The following NCAM2 variants were observed in gnomAD, a reference collection of about 807,000 sequenced individuals.
The protein encoded by NCAM2 is neural cell adhesion molecule 2, also known as N-CAM-2.
NCAM2 carries 30 observed loss-of-function variants against 98.1 expected under a neutral mutation model. The ratio of observed to expected loss-of-function variants is 0.31; its 90% CI spans 0.23 to 0.41. The LOEUF (loss-of-function observed/expected upper bound fraction) is 0.41. NCAM2 is among the 10% of genes least tolerant of loss of function. NCAM2 has a pLI of 1.00. For missense variants in NCAM2, 867 were observed against 1,005.8 expected (o/e 0.86, Z 1.87); for synonymous variants, 368 against 342.4 (o/e 1.07, Z -0.83).
rs9637140 is a variant in NCAM2, at chr21:21,258,279, G to T, written c.56-22299G>T. Among the ~76,000 whole-genome samples, 112 of 152,254 alleles carry T rather than the reference G, an allele frequency of 7.4e-4. 1 individual carries two copies. The East Asian group carries it at 0.019, about 26-fold the overall frequency. On this transcript the variant is annotated intron_variant, in intron 1 of 17. Coordinates refer to ENST00000400546, the MANE Select transcript of NCAM2 (RefSeq NM_004540.5). The stretch of plus-strand genomic sequence containing the variant: ...AGGGTAAGTAATAAAATATTGAGGG[G>T]ATTTTCAAGATGGCTGACTAGGAAC...
chr21:21,032,053 A>G (rs1345867579), intron 1 of NCAM2, among the ~76,000 whole-genome samples: 1 of 152,188 alleles, frequency 6.6e-6, no homozygotes, highest in Non-Finnish European at 1.5e-5. Flanking sequence ...ATCAAAGTTT[A>G]TCAGGCACCA....
Position 21,284,948 on chromosome 21 carries a change from ATGTTC to A in NCAM2, c.337+549_337+553del, listed in dbSNP as rs1466195764. 3.3e-5 allele frequency among the ~76,000 whole-genome samples: 5 copies of A among 151,774 alleles called. No homozygotes were observed. In the South Asian group the frequency reaches 8.3e-4, roughly 25 times the overall value. On this transcript the variant is annotated intron_variant, in intron 3 of 17. Coordinates refer to ENST00000400546, the MANE Select transcript of NCAM2 (RefSeq NM_004540.5). ...TATGTCCTGGGATGGATTTCTTCCT[ATGTTC>A]CTTTCTCCTCCTTATATTTAAGAAC...
chr21:21,268,118 G>T (rs192509702), intron 1 of NCAM2, among the ~76,000 whole-genome samples: 46 of 152,220 alleles, frequency 3.0e-4, no homozygotes, highest in Non-Finnish European at 5.4e-4. Flanking sequence ...TGGTTTGCAC[G>T]CATGACTCGG....
chr21:21,036,474 T>C (rs927996343), intron 1 of NCAM2, among the ~76,000 whole-genome samples: 1 of 152,162 alleles, frequency 6.6e-6, no homozygotes, highest in African/African-American at 2.4e-5. Context: ...ATAATTTCTG[T>C]CTATAAAACA....
chr21:21,541,419 T>C lies in NCAM2; in HGVS notation c.*3462T>C, dbSNP rs1056254510. The C allele has an allele frequency of 6.6e-5, 10 of 151,636 alleles. No homozygotes were observed. Among genetic ancestry groups the C allele is most frequent in the Non-Finnish European group, 1.2e-4 (8 of 67,736 alleles). 9.4% of individuals were successfully genotyped at this position (151,636 alleles called of 1,614,324 possible). ...ACTGTATAATTTACTTTAATTCATG[T>C]CAAAACAATTCTTTTTATACACACA... On this transcript the variant is annotated 3_prime_UTR_variant, in exon 18 of 18. Transcript: ENST00000400546.
chr21:21,363,149 C>T (rs2075691151), intron 8 of NCAM2, among the ~76,000 whole-genome samples: 1 of 151,784 alleles, frequency 6.6e-6, no homozygotes, highest in South Asian at 2.1e-4. Context: ...TCTTTTGGGG[C>T]CAAATGATAG....
chr21:21,459,948 CAT>C (rs1347804175), intron 12 of NCAM2, among the ~76,000 whole-genome samples: 3 of 151,740 alleles, frequency 2.0e-5, no homozygotes, highest in Non-Finnish European at 4.4e-5. Context: ...CAAATACAAA[CAT>C]ATTAAAAAAC....
intron 16 of NCAM2, 108 bp downstream of exon 16, chr21:21,509,163 AT>A (rs1349494515): frequency 7.2e-6 from 7 of 967,694 alleles, no homozygotes; most frequent in Non-Finnish European, 1.1e-5. Flanking sequence ...AAAGAGTTTG[AT>A]TATGCAACAT....
In NCAM2 at chr21:21,262,772, A is replaced by G. The variant is rs369353548; in HGVS notation, c.56-17806A>G. ...TACCTCAAACTGGGCAATTAACAAA[A>G]TAAAGATATTTAATGGACTCACAGT... On this transcript the variant is annotated intron_variant, in intron 1 of 17. Transcript: ENST00000400546. 2.5e-4 allele frequency among the ~76,000 whole-genome samples: 38 copies of G among 152,228 alleles called. 1 individual carries two copies. In the South Asian group the frequency reaches 7.7e-3, roughly 31 times the overall value.
intron 1 of NCAM2, among the ~76,000 whole-genome samples, chr21:21,199,704 A>G (rs1217337814): frequency 6.6e-6 from 1 of 152,202 alleles, no homozygotes; most frequent in African/African-American, 2.4e-5. Context: ...ACACATTACC[A>G]CTGCATAGAT....
At chr21:21,079,746 T>G (rs986007474) in intron 1 of NCAM2, among the ~76,000 whole-genome samples, 9 of 152,138 alleles carry the variant, frequency 5.9e-5, no homozygotes, top group Non-Finnish European at 1.3e-4. Context: ...TCCTTAAAAA[T>G]ATTGATAAAT....
At chr21:21,074,563 C>T (rs939001230) in intron 1 of NCAM2, among the ~76,000 whole-genome samples, 18 of 152,110 alleles carry the variant, frequency 1.2e-4, no homozygotes, top group Admixed American at 6.6e-4. Context: ...ATCTTAGACC[C>T]CACGTCAATG....
intron 12 of NCAM2, among the ~76,000 whole-genome samples, chr21:21,460,357 C>G (rs948779140): frequency 5.9e-5 from 9 of 151,908 alleles, no homozygotes; most frequent in African/African-American, 2.2e-4. Context: ...GCTAGTTCAT[C>G]TTTCTGAGCC....
Position 21,044,188 on chromosome 21 carries a change from G to C in NCAM2, c.55+45570G>C, listed in dbSNP as rs1016137297. Among the ~76,000 whole-genome samples the C allele has an allele frequency of 3.9e-5, 6 of 152,266 alleles. No homozygotes were observed. The East Asian group carries it at 1.2e-3, about 29-fold the overall frequency. On this transcript the variant is annotated intron_variant, in intron 1 of 17. Transcript: ENST00000400546. ...TTCATAGCTTTGAAGATCTTTAAAA[G>C]TATCTTATTGCAGGTTTGTGTTCAA... is the stretch of plus-strand genomic sequence containing the variant.
intron 15 of NCAM2, among the ~76,000 whole-genome samples, chr21:21,507,037 AT>A (rs551005230): frequency 5.3e-4 from 79 of 149,832 alleles, no homozygotes; most frequent in South Asian, 1.3e-3. Flanking sequence ...AAATTGAATG[AT>A]TTTTTTTTTC....
At chr21:21,275,697 A>G (rs1198083621) in intron 1 of NCAM2, among the ~76,000 whole-genome samples, 1 of 152,116 alleles carries the variant, frequency 6.6e-6, no homozygotes, top group Admixed American at 6.5e-5. Flanking sequence ...TCACAGATGT[A>G]ACGTACCTTG....
chr21:21,114,780 A>G lies in NCAM2; in HGVS notation c.55+116162A>G, dbSNP rs185704376. Among the ~76,000 whole-genome samples, 15 of 152,188 alleles carry G rather than the reference A, an allele frequency of 9.9e-5. No homozygotes were observed. In the East Asian group the frequency reaches 2.7e-3, roughly 27 times the overall value. ...ATGAGTAATTCTGCTTTTATTAAACAAAACAAAACAAACCTGATTCGCTCA... is the reference window on the plus strand; with the variant it reads ...ATGAGTAATTCTGCTTTTATTAAACGAAACAAAACAAACCTGATTCGCTCA... On this transcript the variant is annotated intron_variant, in intron 1 of 17. Transcript: ENST00000400546.
intron 9 of NCAM2, among the ~76,000 whole-genome samples, chr21:21,408,491 TA>T (rs1240829848): frequency 1.3e-5 from 2 of 152,188 alleles, no homozygotes; most frequent in Non-Finnish European, 2.9e-5. Flanking sequence ...ATCAAGATTA[TA>T]AAGCTGTTTT....
chr21:21,507,380 G>T (rs1457379635), intron 15 of NCAM2, among the ~76,000 whole-genome samples: 1 of 152,032 alleles, frequency 6.6e-6, no homozygotes, highest in African/African-American at 2.4e-5. Context: ...TTTTTCAGGA[G>T]TGGTTTTCTC....
Sources: gnomAD v4.1 joint callset for allele counts (sites outside exome capture counted in the v4.1 genomes callset) on GRCh38, gnomAD v4.1.1 for gene constraint, MANE v1.5 for transcripts, NCBI Gene and HGNC (gene_info 2026-07-23, HGNC 2026-07-21) for gene names.